Variants in HIVEP1 observed in about 807,000 individuals in gnomAD.
HIVEP1 encodes HIVEP zinc finger 1.
In HIVEP1, 36 loss-of-function variants were observed where a neutral mutation model predicts 180.0. The observed-to-expected ratio is 0.20, with a 90% CI of 0.15 to 0.26. The LOEUF (loss-of-function observed/expected upper bound fraction) is 0.26, where lower values mean the gene tolerates loss of function less well. Among genes scored for constraint, HIVEP1 ranks in the 10% least tolerant of loss-of-function variants. HIVEP1 has a pLI of 1.00. For synonymous variants in HIVEP1, 1,239 were observed against 1,239.0 expected (o/e 1.00, Z 0.00); for missense variants, 3,143 against 3,268.7 (o/e 0.96, Z 0.94).
Position 12,051,414 on chromosome 6 carries a change from G to C in HIVEP1, c.40+35746G>C, listed in dbSNP as rs569726842. The stretch of plus-strand genomic sequence containing the variant: ...TTACATGACTCCAAAGTAGCATCTA[G>C]AAAACAAGATACTGTCAAAAAAGTC... On this transcript the variant is annotated intron_variant, in intron 2 of 8. Coordinates refer to ENST00000379388, the MANE Select transcript of HIVEP1 (RefSeq NM_002114.4). 2.6e-5 allele frequency among the ~76,000 whole-genome samples: 4 copies of C among 152,090 alleles called. No individual in the cohort carries two copies. In the South Asian group the frequency reaches 8.3e-4, roughly 32 times the overall value.
the HIVEP1 span, among the ~76,000 whole-genome samples, chr6:12,207,393 T>G: frequency 6.6e-6 from 1 of 152,218 alleles, no homozygotes; most frequent in African/African-American, 2.4e-5. Context: ...ATTTTCATGA[T>G]CACACAATAT....
At chr6:12,080,088 A>G (rs1048657483) in intron 2 of HIVEP1, among the ~76,000 whole-genome samples, 2 of 152,118 alleles carry the variant, frequency 1.3e-5, no homozygotes, top group South Asian at 2.1e-4. Flanking sequence ...TTACTGTTTT[A>G]GGGGATGTAG....
At chr6:12,022,948 C>T (rs1047514293) in intron 2 of HIVEP1, among the ~76,000 whole-genome samples, 5 of 152,278 alleles carry the variant, frequency 3.3e-5, no homozygotes, top group Admixed American at 2.0e-4. Context: ...AGCCTTGCCT[C>T]GTTTTTTGAC....
intron 2 of HIVEP1, among the ~76,000 whole-genome samples, chr6:12,033,322 A>ATGTGTGTGTG (rs58465582): frequency 1.3e-5 from 2 of 148,882 alleles, no homozygotes; most frequent in South Asian, 2.1e-4. Context: ...GTAGAGGAGC[A>ATGTGTGTGTG]TGTGTGTGTG....
downstream of HIVEP1, among the ~76,000 whole-genome samples, chr6:12,168,351 ATG>A (rs1562025038): frequency 3.6e-5 from 3 of 83,050 alleles, no homozygotes; most frequent in Non-Finnish European, 8.0e-5. Flanking sequence ...ATACATGTAT[ATG>A]TATATATTAT....
intron 7 of HIVEP1, among the ~76,000 whole-genome samples, chr6:12,147,289 A>G (rs939318799): frequency 2.0e-5 from 3 of 152,214 alleles, no homozygotes; most frequent in Non-Finnish European, 4.4e-5. Flanking sequence ...CTGACACTTG[A>G]AAACTATTAT....
At chr6:12,048,647 A>C (rs1275574185) in intron 2 of HIVEP1, among the ~76,000 whole-genome samples, 1 of 152,258 alleles carries the variant, frequency 6.6e-6, no homozygotes, top group Non-Finnish European at 1.5e-5. Context: ...GCTTGTTTTT[A>C]AAAATACCTT....
intron 2 of HIVEP1, among the ~76,000 whole-genome samples, chr6:12,064,588 C>G (rs1771444986): frequency 6.6e-6 from 1 of 152,134 alleles, no homozygotes; most frequent in South Asian, 2.1e-4. Flanking sequence ...TCTGTGATTT[C>G]TACCATAGTA....
chr6:12,189,705 A>T, the HIVEP1 span, among the ~76,000 whole-genome samples: 1 of 152,180 alleles, frequency 6.6e-6, no homozygotes, highest in African/African-American at 2.4e-5. Context: ...CAATTTGGAG[A>T]ACAATTTGGC....
chr6:12,096,626 C>T (rs1259818176), intron 3 of HIVEP1, among the ~76,000 whole-genome samples: 1 of 151,600 alleles, frequency 6.6e-6, no homozygotes, highest in Non-Finnish European at 1.5e-5. Context: ...TGGTGACTCT[C>T]ATTTAAAAAA....
At chr6:12,037,875 T>G (rs1020614234) in intron 2 of HIVEP1, 7 of 401,864 alleles carry the variant, frequency 1.7e-5, no homozygotes, top group African/African-American at 1.4e-4. Flanking sequence ...TGTGCCTAGC[T>G]ACTTTTTTTT....
At chr6:12,082,859 CTA>C (rs146898439) in intron 2 of HIVEP1, among the ~76,000 whole-genome samples, 7,536 of 152,218 alleles carry the variant, frequency 0.05, 194 homozygotes, top group Middle Eastern at 0.1. Context: ...GCCAAATGGA[CTA>C]TGTGTGTAAA....
intron 7 of HIVEP1, among the ~76,000 whole-genome samples, chr6:12,151,919 G>T (rs1180487301): frequency 6.6e-6 from 1 of 152,148 alleles, no homozygotes; most frequent in Non-Finnish European, 1.5e-5. Context: ...ACTTTGGGAG[G>T]CCGAGGCGGG....
In HIVEP1 at chr6:12,124,032, G is replaced by A; in HGVS notation, c.4237G>A (p.Val1413Met). The A allele has an allele frequency of 6.2e-7, 1 of 1,614,132 alleles. No individual in the cohort carries two copies. Among genetic ancestry groups the A allele is most frequent in the African/African-American group, 1.3e-5 (1 of 75,032 alleles). ...GCAGCCTCCATCTTCACCTTCTCGAGTGGGAGTGACTGGGCATGTGCCTCT... is the reference window on the plus strand; with the variant it reads ...GCAGCCTCCATCTTCACCTTCTCGAATGGGAGTGACTGGGCATGTGCCTCT... The part of the protein sequence containing the change: ...ELQPPSSPSR[V>M]GVTGHVPLLE... Residue 1413 changes from valine to methionine, a missense_variant, in exon 4 of 9, where the codon GTG becomes ATG. Coordinates refer to ENST00000379388, the MANE Select transcript of HIVEP1 (RefSeq NM_002114.4).
At chr6:12,167,297 A>G (rs895914049), downstream of HIVEP1, among the ~76,000 whole-genome samples, 2 of 151,972 alleles carry the variant, frequency 1.3e-5, no homozygotes, top group African/African-American at 2.4e-5. Flanking sequence ...ATTCATGCTC[A>G]GTTCAAATTA....
At chr6:12,071,068 A>G (rs1169941894) in intron 2 of HIVEP1, among the ~76,000 whole-genome samples, 1 of 152,206 alleles carries the variant, frequency 6.6e-6, no homozygotes, top group Non-Finnish European at 1.5e-5. Context: ...CTGTTCCAGC[A>G]TTCTTTTGAA....
intron 2 of HIVEP1, among the ~76,000 whole-genome samples, chr6:12,030,531 C>T (rs543855163): frequency 2.6e-5 from 4 of 152,056 alleles, no homozygotes; most frequent in Non-Finnish European, 2.9e-5. Flanking sequence ...GATTGTTTCT[C>T]GTACCAGTTC....
chr6:12,201,252 G>A, the HIVEP1 span, among the ~76,000 whole-genome samples: 3 of 152,328 alleles, frequency 2.0e-5, no homozygotes, highest in East Asian at 1.9e-4. Flanking sequence ...TGAGGTGGGC[G>A]AATCGTTTGA....
chr6:12,141,113 CAGAG>C (rs780596396), intron 7 of HIVEP1, among the ~76,000 whole-genome samples: 6 of 152,114 alleles, frequency 3.9e-5, no homozygotes, highest in Non-Finnish European at 7.3e-5. Flanking sequence ...TAAGGACAGC[CAGAG>C]AGAAAGGTCG....
Sources: allele counts gnomAD v4.1 joint callset (sites outside exome capture counted in the v4.1 genomes callset), GRCh38; gene constraint gnomAD v4.1.1; transcripts MANE v1.5; gene names NCBI Gene and HGNC (gene_info 2026-07-23, HGNC 2026-07-21).